Variants in WIPF3 observed in about 807,000 individuals in gnomAD.
WIPF3 encodes the protein WAS/WASL interacting protein family member 3, also known as WAS/WASL-interacting protein family member 3.
WIPF3 carries 33 observed loss-of-function variants against 38.9 expected under a neutral mutation model. That is an observed-to-expected ratio of 0.85 (90% CI 0.64 to 1.14). The LOEUF is 1.14. Ranked by LOEUF, WIPF3 falls within the 50% of genes most tolerant of loss-of-function variation. WIPF3 has a pLI of 0.00. For synonymous variants in WIPF3, 324 were observed against 269.3 expected (o/e 1.20, Z -1.99); for missense variants, 711 against 652.5 (o/e 1.09, Z -0.98).
chr7:29,830,055 A>G (rs1485050445), intron 1 of WIPF3, among the ~76,000 whole-genome samples: 1 of 151,908 alleles, frequency 6.6e-6, no homozygotes, highest in Non-Finnish European at 1.5e-5. Flanking sequence ...CAACTGTCAG[A>G]TTTTAACAAA....
intron 2 of WIPF3, among the ~76,000 whole-genome samples, chr7:29,866,062 G>A (rs1265653613): frequency 1.3e-5 from 2 of 152,170 alleles, no homozygotes; most frequent in African/African-American, 2.4e-5. Flanking sequence ...GGGAGGCTGA[G>A]GCAGGAGAAT....
At chr7:29,904,532 C>A in intron 8 of WIPF3, 170 bp downstream of exon 8, 1 of 592,748 alleles carries the variant, frequency 1.7e-6, no homozygotes, top group Non-Finnish European at 2.9e-6. Flanking sequence ...GAAACACTCA[C>A]CATTTCAAAA....
At chr7:29,810,977 C>A (rs915776876) in intron 1 of WIPF3, among the ~76,000 whole-genome samples, 1 of 152,176 alleles carries the variant, frequency 6.6e-6, no homozygotes, top group African/African-American at 2.4e-5. Context: ...CTGCCTCCAA[C>A]TCCCACACTC....
intron 2 of WIPF3, among the ~76,000 whole-genome samples, chr7:29,848,215 G>C (rs1785033365): frequency 6.6e-6 from 1 of 152,200 alleles, no homozygotes; most frequent in South Asian, 2.1e-4. Context: ...AACTGCTAAA[G>C]CTAGCAACAA....
intron 1 of WIPF3, among the ~76,000 whole-genome samples, chr7:29,814,821 A>G (rs1310539738): frequency 1.3e-5 from 2 of 152,208 alleles, no homozygotes; most frequent in African/African-American, 2.4e-5. Flanking sequence ...CCTCCCAACC[A>G]TGTACATCAG....
intron 7 of WIPF3, among the ~76,000 whole-genome samples, chr7:29,892,933 C>T (rs191339194): frequency 1.4e-4 from 22 of 152,148 alleles, no homozygotes; most frequent in Admixed American, 1.1e-3. Flanking sequence ...GGTGTGGTGG[C>T]GGACGCCCGT....
chr7:29,818,664 CCTT>C (rs913096727), intron 1 of WIPF3, among the ~76,000 whole-genome samples: 4 of 151,472 alleles, frequency 2.6e-5, no homozygotes, highest in African/African-American at 9.7e-5. Context: ...AATTGAGCCT[CCTT>C]CTTTTCAACT....
intron 2 of WIPF3, among the ~76,000 whole-genome samples, chr7:29,838,187 G>A (rs1784845407): frequency 6.6e-6 from 1 of 152,076 alleles, no homozygotes; most frequent in Non-Finnish European, 1.5e-5. Flanking sequence ...CAAAGTGCTG[G>A]GATTACAGGC....
In WIPF3 at chr7:29,844,152, G is replaced by T. The variant is rs986121043; in HGVS notation, c.90+9338G>T. On this transcript the variant is annotated intron_variant, in intron 2 of 8. Transcript: ENST00000242140. The surrounding 1 kb of genome is among the most constrained non-coding windows in gnomAD (Gnocchi z 4.8). ...CTTGCCTATGCACTCTCACATAAAGGCTGTAAGGACATGGAAAACGTGTCA... is the reference window on the plus strand; with the variant it reads ...CTTGCCTATGCACTCTCACATAAAGTCTGTAAGGACATGGAAAACGTGTCA... Among the ~76,000 whole-genome samples the T allele has an allele frequency of 2.6e-5, 4 of 152,204 alleles. No individual in the cohort carries two copies. The highest frequency in any genetic ancestry group is 9.6e-5 in the African/African-American group (4 of 41,468).
chr7:29,903,846 A>AGT (rs1347973836), intron 7 of WIPF3, among the ~76,000 whole-genome samples: 1 of 152,172 alleles, frequency 6.6e-6, no homozygotes, highest in Non-Finnish European at 1.5e-5. Flanking sequence ...ATTCTTAACT[A>AGT]TAAGAAGATA....
intron 5 of WIPF3, among the ~76,000 whole-genome samples, chr7:29,885,585 A>G (rs531209430): frequency 6.6e-6 from 1 of 152,334 alleles, no homozygotes; most frequent in Non-Finnish European, 1.5e-5. Context: ...CCCATGCATG[A>G]AGATGGCTTG....
rs888385756 is a variant in WIPF3, at chr7:29,916,976, C to T, written c.*2460C>T. 6.6e-6 allele frequency: 1 copy of T among 152,204 alleles called. No homozygotes were observed. Among genetic ancestry groups the T allele is most frequent in the South Asian group, 2.1e-4 (1 of 4,832 alleles). The allele number at this position is 152,204 out of a possible 1,614,324, so 9.4% of individuals were successfully genotyped here. On this transcript the variant is annotated 3_prime_UTR_variant, in exon 9 of 9. Transcript: ENST00000242140. ...CTGACACTGCAGTCTGTGACTCCTC[C>T]AATGTTTCACGTGTATTTTATATTT...
At chr7:29,873,435 A>G (rs1445527178) in intron 2 of WIPF3, among the ~76,000 whole-genome samples, 1 of 152,198 alleles carries the variant, frequency 6.6e-6, no homozygotes, top group Non-Finnish European at 1.5e-5. Context: ...AATTCACACA[A>G]AAATTTTCAT....
At chr7:29,875,310 C>T (rs1256708567) in intron 2 of WIPF3, among the ~76,000 whole-genome samples, 1 of 152,070 alleles carries the variant, frequency 6.6e-6, no homozygotes, top group African/African-American at 2.4e-5. Context: ...CCACCCAGGA[C>T]CCAATAGCAA....
intron 2 of WIPF3, among the ~76,000 whole-genome samples, chr7:29,858,906 A>T (rs768502382): frequency 3.3e-5 from 5 of 152,228 alleles, no homozygotes; most frequent in Non-Finnish European, 7.3e-5. Context: ...TGTATTTTTC[A>T]CATTGAAGAA....
Position 29,914,690 on chromosome 7 carries a change from T to C in WIPF3, c.*174T>C, listed in dbSNP as rs1583635152. On this transcript the variant is annotated 3_prime_UTR_variant, in exon 9 of 9. Coordinates refer to ENST00000242140, the MANE Select transcript of WIPF3 (RefSeq NM_001080529.3). ...TTAAAGCAGTATTTTAATTGACTTT[T>C]ATTTCGGTAATATTTTTTAAAACAC... 4.5e-6 allele frequency: 2 copies of C among 446,090 alleles called. No homozygotes were observed. The highest frequency in any genetic ancestry group is 7.9e-6 in the Non-Finnish European group (2 of 252,880). The allele number at this position is 446,090 out of a possible 1,614,324, so 27.6% of individuals were successfully genotyped here.
At chr7:29,874,436 C>T (rs1785551160) in intron 2 of WIPF3, among the ~76,000 whole-genome samples, 1 of 151,898 alleles carries the variant, frequency 6.6e-6, no homozygotes, top group African/African-American at 2.4e-5. Flanking sequence ...ATAAATGTGA[C>T]AGAGGAAAAA....
At chr7:29,904,507 T>C (rs2128080768) in intron 8 of WIPF3, 145 bp downstream of exon 8, 2 of 762,344 alleles carry the variant, frequency 2.6e-6, no homozygotes, top group Admixed American at 5.4e-5. Flanking sequence ...GGTGGACCTT[T>C]TTTCAAGCCA....
intron 1 of WIPF3, 87 bp from the exon 2 acceptor site, chr7:29,834,581 C>T (rs909690023): frequency 8.5e-7 from 1 of 1,183,062 alleles, no homozygotes; most frequent in Non-Finnish European, 1.1e-6. Context: ...ATCAAGCTGA[C>T]TATAATATGC....
Sources: gnomAD v4.1 joint callset for allele counts (sites outside exome capture counted in the v4.1 genomes callset) on GRCh38, gnomAD v4.1.1 for gene constraint, Gnocchi (gnomAD v3.1) non-coding constraint, MANE v1.5 for transcripts, NCBI Gene and HGNC (gene_info 2026-07-23, HGNC 2026-07-21) for gene names.